TGFBR1: variants seen among roughly 807,000 people sequenced by gnomAD.
The protein encoded by TGFBR1 is transforming growth factor beta receptor 1.
A neutral mutation model predicts 55.1 loss-of-function variants in TGFBR1; 20 were observed. The ratio of observed to expected loss-of-function variants is 0.36; its 90% confidence interval spans 0.26 to 0.53. The LOEUF (loss-of-function observed/expected upper bound fraction) is 0.53, where lower values mean the gene tolerates loss of function less well. TGFBR1 is among the 20% of genes least tolerant of loss of function. The pLI, the probability that TGFBR1 is intolerant of heterozygous loss-of-function variation, is 0.91. For missense variants in TGFBR1, 385 were observed against 617.6 expected, an observed-to-expected ratio of 0.62 and a Z score of 3.99; for synonymous variants, 220 against 214.8, an observed-to-expected ratio of 1.02 and a Z score of -0.21.
intron 1 of TGFBR1, among the ~76,000 whole-genome samples, 180 bp downstream of exon 1, chr9:99,105,482 G>A (rs1335598946): frequency 1.3e-5 from 2 of 149,764 alleles, no homozygotes; most frequent in Non-Finnish European, 3.0e-5. Flanking sequence ...AACCGCAAGC[G>A]GGGAGCGGAG....
intron 4 of TGFBR1, among the ~76,000 whole-genome samples, chr9:99,138,394 T>C (rs1827506537): frequency 6.6e-6 from 1 of 152,220 alleles, no homozygotes; most frequent in Admixed American, 6.5e-5. Context: ...GTACTCATGA[T>C]ATAGAAAAGA....
At chr9:99,146,720 A>G in intron 7 of TGFBR1, 111 bp downstream of exon 7, 2 of 1,533,206 alleles carry the variant, frequency 1.3e-6, no homozygotes, top group East Asian at 2.3e-5. Flanking sequence ...CTGAAACAGG[A>G]TGTCACCGAG....
At chr9:99,113,810 G>A (rs868365332) in intron 1 of TGFBR1, among the ~76,000 whole-genome samples, 7 of 152,218 alleles carry the variant, frequency 4.6e-5, no homozygotes, top group Admixed American at 3.9e-4. Context: ...CTCAATGTAA[G>A]GAATGACTCT....
Position 99,128,691 on chromosome 9 carries a change from A to G in TGFBR1, c.98-164A>G, listed in dbSNP as rs565047078. The G allele has an allele frequency of 1.1e-5, 10 of 919,744 alleles. 1 individual carries two copies. In the East Asian group the frequency reaches 2.6e-4, roughly 24 times the overall value. 57.0% of individuals were successfully genotyped at this position (919,744 alleles called of 1,614,324 possible). A position where few individuals can be genotyped will look rare whatever the true frequency, so the allele number is the denominator to read the frequency against. Reference sequence around the variant, plus strand: ...GTATGTGGTTCTTAATATAATTTGAAACTTCTAAGAGCAACAAATAGTTGT... The same window carrying G: ...GTATGTGGTTCTTAATATAATTTGAGACTTCTAAGAGCAACAAATAGTTGT... On this transcript the variant is annotated intron_variant, in intron 1 of 8. Transcript: ENST00000374994.
At chr9:99,131,006 G>A (rs1827206229) in intron 2 of TGFBR1, among the ~76,000 whole-genome samples, 1 of 152,068 alleles carries the variant, frequency 6.6e-6, no homozygotes, top group Admixed American at 6.6e-5. Flanking sequence ...CATATTAAGA[G>A]ATATAGGGAA....
At chr9:99,143,620 GTTATTA>G (rs534735743) in intron 5 of TGFBR1, among the ~76,000 whole-genome samples, 2 of 152,074 alleles carry the variant, frequency 1.3e-5, no homozygotes, top group East Asian at 1.9e-4. Flanking sequence ...CATCTTTGTA[GTTATTA>G]TTATTATTGA....
At chr9:99,141,680 T>A (rs942313547) in intron 4 of TGFBR1, among the ~76,000 whole-genome samples, 2 of 152,234 alleles carry the variant, frequency 1.3e-5, no homozygotes, top group Non-Finnish European at 2.9e-5. Flanking sequence ...AATGTTGTAA[T>A]GCTTTTTTTC....
chr9:99,104,154 A>G (rs1035387093), upstream of TGFBR1: 4 of 152,220 alleles, frequency 2.6e-5, no homozygotes, highest in Non-Finnish European at 5.9e-5. Context: ...ATGAAAACGT[A>G]GAGTTTATTT....
intron 5 of TGFBR1, 36 bp from the exon 6 acceptor site, chr9:99,144,696 C>T (rs749477269): frequency 5.0e-6 from 8 of 1,612,364 alleles, no homozygotes; most frequent in Middle Eastern, 1.7e-4. Flanking sequence ...TTGGTATTAC[C>T]TTTTAAGCAG....
intron 1 of TGFBR1, among the ~76,000 whole-genome samples, chr9:99,116,756 C>T (rs990880649): frequency 1.3e-5 from 2 of 152,082 alleles, no homozygotes; most frequent in Admixed American, 6.5e-5. Context: ...TGCCAAGTCT[C>T]GGCATGTAGA....
rs200197062 is a variant in TGFBR1, at chr9:99,151,015, G to A, written c.*1710G>A. ...CTATCAGTTCCCCGATACAGGGTCA[G>A]AGTAACCCATACAGTATTTTGGTCA... On this transcript the variant is annotated 3_prime_UTR_variant, in exon 9 of 9. Coordinates refer to ENST00000374994, the MANE Select transcript of TGFBR1 (RefSeq NM_004612.4). 3.1e-4 allele frequency: 70 copies of A among 228,098 alleles called. 1 individual carries two copies. In the South Asian group the frequency reaches 8.4e-3, roughly 27 times the overall value. The allele number at this position is 228,098 out of a possible 1,614,324, so 14.1% of individuals were successfully genotyped here. A position where few individuals can be genotyped will look rare whatever the true frequency, so the allele number is the denominator to read the frequency against.
intron 1 of TGFBR1, 37 bp from the exon 2 acceptor site, chr9:99,128,818 C>G (rs199736400): frequency 1.6e-5 from 26 of 1,611,846 alleles, no homozygotes; most frequent in Non-Finnish European, 2.1e-5. Flanking sequence ...AACTGTTAAC[C>G]TTGAGATTTT....
In TGFBR1 at chr9:99,144,832, T is replaced by C; in HGVS notation, c.1074T>C (p.His358=). 2 of 1,614,062 alleles carry C rather than the reference T, an allele frequency of 1.2e-6. No homozygotes were observed. The highest frequency in any genetic ancestry group is 1.1e-5 in the South Asian group (1 of 91,088). Residue 358 remains histidine (H), a synonymous_variant, in exon 6 of 9, where the codon CAT becomes CAC. Transcript: ENST00000374994. ...CAGACTTAGGACTGGCAGTAAGACA[T>C]GATTCAGCCACAGATACCATTGATA... is the stretch of plus-strand genomic sequence containing the variant. ...CIADLGLAVR[H]DSATDTIDIA... is the part of the protein sequence containing the mutation.
intron 1 of TGFBR1, among the ~76,000 whole-genome samples, chr9:99,113,262 G>A (rs936123929): frequency 5.3e-5 from 8 of 152,276 alleles, no homozygotes; most frequent in Non-Finnish European, 8.8e-5. Context: ...TCCTGCTTGC[G>A]GCCTAGGCCT....
At chr9:99,111,295 CTTTTTTTTTTTTTTTT>C (rs3034196) in intron 1 of TGFBR1, among the ~76,000 whole-genome samples, 40 of 55,152 alleles carry the variant, frequency 7.3e-4, no homozygotes, top group Non-Finnish European at 1.0e-3. Context: ...TGCACCCATG[CTTTTTTTTTTTTTTTT>C]TTTTTTTTTT....
intron 1 of TGFBR1, among the ~76,000 whole-genome samples, chr9:99,106,010 C>G (rs1213312317): frequency 6.6e-6 from 1 of 152,224 alleles, no homozygotes; most frequent in African/African-American, 2.4e-5. Flanking sequence ...TTTCTTCTTT[C>G]GTGCGTCTGG....
chr9:99,133,265 C>G (rs1039029274), intron 3 of TGFBR1, among the ~76,000 whole-genome samples: 1 of 152,192 alleles, frequency 6.6e-6, no homozygotes, highest in African/African-American at 2.4e-5. Context: ...CTAATGAACT[C>G]TTATGTCATT....
intron 1 of TGFBR1, among the ~76,000 whole-genome samples, chr9:99,113,371 T>A (rs1202143056): frequency 6.6e-6 from 1 of 152,236 alleles, no homozygotes; most frequent in Non-Finnish European, 1.5e-5. Context: ...TTTTTCTCAA[T>A]GAACCAAACA....
chr9:99,112,027 AAG>A (rs1284775516), intron 1 of TGFBR1, among the ~76,000 whole-genome samples: 1 of 152,200 alleles, frequency 6.6e-6, no homozygotes, highest in Non-Finnish European at 1.5e-5. Flanking sequence ...TGTGTGGAGA[AAG>A]AGCATTCTAA....
Sources: gnomAD v4.1 joint callset for allele counts (sites outside exome capture counted in the v4.1 genomes callset) on GRCh38, gnomAD v4.1.1 for gene constraint, MANE v1.5 for transcripts, NCBI Gene and HGNC (gene_info 2026-07-23, HGNC 2026-07-21) for gene names.